The following APBB2 variants were observed in gnomAD, a reference collection of about 807,000 sequenced individuals.
APBB2 encodes the protein amyloid beta precursor protein binding family B member 2.
In APBB2, 38 loss-of-function variants were observed where a neutral mutation model predicts 82.5. That is an observed-to-expected ratio of 0.46 (90% confidence interval 0.36 to 0.60). The LOEUF (loss-of-function observed/expected upper bound fraction) is 0.60, where lower values mean the gene tolerates loss of function less well. Ranked by LOEUF, APBB2 falls within the 20% of genes least tolerant of loss-of-function variation. The pLI, the probability that APBB2 is intolerant of heterozygous loss-of-function variation, is 0.00. For missense variants in APBB2, 772 were observed against 972.3 expected (o/e 0.79, Z 2.74); for synonymous variants, 341 against 368.2 (o/e 0.93, Z 0.85).
intron 6 of APBB2, among the ~76,000 whole-genome samples, chr4:41,003,152 A>G (rs951123141): frequency 1.4e-4 from 21 of 152,018 alleles, no homozygotes; most frequent in African/African-American, 4.8e-4. Flanking sequence ...CCATTTCCAC[A>G]CTTATTCCCA....
chr4:41,187,410 T>G (rs1312150964), intron 1 of APBB2, among the ~76,000 whole-genome samples: 1 of 152,164 alleles, frequency 6.6e-6, no homozygotes, highest in Non-Finnish European at 1.5e-5. Flanking sequence ...AATAGGCTAA[T>G]ATTATACACA....
intron 6 of APBB2, among the ~76,000 whole-genome samples, chr4:40,978,873 T>C (rs1005833409): frequency 1.3e-5 from 2 of 152,138 alleles, no homozygotes; most frequent in Non-Finnish European, 2.9e-5. Flanking sequence ...ACAAAAAAAA[T>C]TGCTCATTAA....
At chr4:40,985,302 AAATT>A (rs1282787204) in intron 6 of APBB2, among the ~76,000 whole-genome samples, 1 of 152,094 alleles carries the variant, frequency 6.6e-6, no homozygotes, top group South Asian at 2.1e-4. Flanking sequence ...TGCAGTTAAT[AAATT>A]AATAAAATTT....
chr4:41,159,940 G>GAGGAGAAGGAGA (rs1278953421), intron 1 of APBB2, among the ~76,000 whole-genome samples: 1 of 40,032 alleles, frequency 2.5e-5, no homozygotes, highest in African/African-American at 9.5e-5. Flanking sequence ...GGAGGAGGAG[G>GAGGAGAAGGAGA]AGGAGAAGGA....
At position 40,835,084 on chromosome 4, in the gene APBB2, T is replaced by C. The variant is rs539184837; in HGVS notation, c.1530-4507A>G. On this transcript the variant is annotated intron_variant, in intron 12 of 17. Transcript: ENST00000508593. ...TGAGGTCAGGAGATCGAGACCATCC[T>C]GGCTAACACGTGAAACCCCGTCTCT... Among the ~76,000 whole-genome samples, 6 of 152,204 alleles carry C rather than the reference T, an allele frequency of 3.9e-5. No individual in the cohort carries two copies. In the East Asian group the frequency reaches 1.2e-3, roughly 29 times the overall value.
intron 4 of APBB2, among the ~76,000 whole-genome samples, chr4:41,044,098 G>T (rs1185946493): frequency 6.6e-6 from 1 of 152,180 alleles, no homozygotes; most frequent in Non-Finnish European, 1.5e-5. Flanking sequence ...ATCCACAGGG[G>T]TTGGAAAACA....
intron 2 of APBB2, among the ~76,000 whole-genome samples, chr4:41,135,407 C>T (rs2154012334): frequency 6.6e-6 from 1 of 152,224 alleles, no homozygotes; most frequent in South Asian, 2.1e-4. Context: ...TAGACACTAT[C>T]CAAACCAGTA....
chr4:40,861,160 G>T (rs572552231), intron 12 of APBB2, among the ~76,000 whole-genome samples: 4 of 152,184 alleles, frequency 2.6e-5, no homozygotes, highest in African/African-American at 9.6e-5. Flanking sequence ...AGACCAGCCT[G>T]GCAAACATGG....
intron 12 of APBB2, among the ~76,000 whole-genome samples, chr4:40,884,771 A>C (rs886776398): frequency 2.0e-5 from 3 of 152,156 alleles, no homozygotes; most frequent in African/African-American, 7.2e-5. Flanking sequence ...CTCTAAAAAT[A>C]AAAAGAAATA....
At position 41,013,680 on chromosome 4, in the gene APBB2, TG is replaced by T; in HGVS notation, c.737del (p.Ala246AspfsTer94). On this transcript the variant is annotated frameshift_variant, in exon 6 of 18. Coordinates refer to ENST00000508593, the MANE Select transcript of APBB2 (RefSeq NM_004307.2). LOFTEE classifies it high-confidence loss of function. ...HPKTGAKTDC[A>X]LHRIQNLAPS... ...GTGCCAGGTTCTGGATCCGGTGCAG[TG>T]CACAGTCGGTTTTGGCCCCTGTTTT... 6.2e-7 allele frequency: 1 copy of T among 1,614,220 alleles called. No individual in the cohort carries two copies. The highest frequency in any genetic ancestry group is 8.5e-7 in the Non-Finnish European group (1 of 1,180,036).
intron 3 of APBB2, among the ~76,000 whole-genome samples, chr4:41,079,576 G>C (rs1310911254): frequency 1.4e-5 from 2 of 147,416 alleles, no homozygotes; most frequent in Admixed American, 1.4e-4. Flanking sequence ...TTGAAATGGA[G>C]TCTCGTTCTG....
At chr4:40,930,434 TGTGTGTGTGTGTGTGCGCGCGCGCGC>T (rs1783801511) in intron 10 of APBB2, among the ~76,000 whole-genome samples, 1 of 38,756 alleles carries the variant, frequency 2.6e-5, no homozygotes, top group Admixed American at 3.4e-4. Context: ...TGTGTGTGTG[TGTGTGTGTGTGTGTGCGCGCGCGCGC>T]GCGCGCGTGC....
At chr4:40,987,768 A>G (rs1366399690) in intron 6 of APBB2, among the ~76,000 whole-genome samples, 1 of 152,196 alleles carries the variant, frequency 6.6e-6, no homozygotes, top group Non-Finnish European at 1.5e-5. Flanking sequence ...TAAACTATAA[A>G]TGATTCTGTG....
intron 1 of APBB2, chr4:41,193,370 A>T (rs1774996980): frequency 1.3e-5 from 2 of 153,676 alleles, no homozygotes; most frequent in Admixed American, 1.3e-4. Flanking sequence ...TCAAGGAGGC[A>T]ATTACTATTT....
chr4:40,830,621 T>C, intron 12 of APBB2, 44 bp from the exon 13 acceptor site: 1 of 1,156,850 alleles, frequency 8.6e-7, no homozygotes, highest in Non-Finnish European at 1.3e-6. Context: ...GAGAAGCTGA[T>C]TACCAACACA....
chr4:41,048,674 C>T (rs1181233935), intron 4 of APBB2, among the ~76,000 whole-genome samples: 1 of 149,332 alleles, frequency 6.7e-6, no homozygotes, highest in East Asian at 2.0e-4. Context: ...TCCCGTCTCC[C>T]CTACGGTCTC....
chr4:41,044,421 T>C (rs1318643539), intron 4 of APBB2, among the ~76,000 whole-genome samples: 1 of 152,220 alleles, frequency 6.6e-6, no homozygotes, highest in Non-Finnish European at 1.5e-5. Context: ...CTTTGATAGC[T>C]TCCTTGTTAC....
chr4:41,068,192 G>A (rs1732594008), intron 3 of APBB2, among the ~76,000 whole-genome samples: 1 of 152,158 alleles, frequency 6.6e-6, no homozygotes, highest in Admixed American at 6.5e-5. Flanking sequence ...CTATACATAT[G>A]TACCGATGAT....
At chr4:40,959,354 G>T (rs1792484562) in intron 6 of APBB2, among the ~76,000 whole-genome samples, 1 of 152,162 alleles carries the variant, frequency 6.6e-6, no homozygotes, top group South Asian at 2.1e-4. Flanking sequence ...AGGTAGGCAG[G>T]TTTGAAAATA....
Sources: gnomAD v4.1 joint callset for allele counts (sites outside exome capture counted in the v4.1 genomes callset) on GRCh38, gnomAD v4.1.1 for gene constraint, MANE v1.5 for transcripts, NCBI Gene and HGNC (gene_info 2026-07-23, HGNC 2026-07-21) for gene names.